The following ACER3 variants were observed in gnomAD, a reference collection of about 807,000 sequenced individuals.
ACER3 encodes alkaline ceramidase 3.
A neutral mutation model predicts 48.9 loss-of-function variants in ACER3; 16 were observed. The observed-to-expected ratio is 0.33, with a 90% CI of 0.22 to 0.50. The LOEUF (loss-of-function observed/expected upper bound fraction) is 0.50. Ranked by LOEUF, ACER3 falls within the 20% of genes least tolerant of loss-of-function variation. ACER3 has a pLI of 0.98. For missense variants in ACER3, 227 were observed against 326.0 expected (o/e 0.70, Z 2.34); for synonymous variants, 109 against 107.8 (o/e 1.01, Z -0.07).
intron 4 of ACER3, among the ~76,000 whole-genome samples, chr11:76,984,177 C>G (rs1368051454): frequency 6.6e-6 from 1 of 152,096 alleles, no homozygotes; most frequent in Non-Finnish European, 1.5e-5. Flanking sequence ...TAGGCATGAT[C>G]CTAGGCTCTG....
intron 1 of ACER3, among the ~76,000 whole-genome samples, chr11:76,916,527 A>G (rs1238966961): frequency 3.2e-5 from 3 of 92,622 alleles, no homozygotes; most frequent in African/African-American, 8.3e-5. Context: ...GTGAGAGGTT[A>G]AAACGGTTAA....
intron 7 of ACER3, among the ~76,000 whole-genome samples, chr11:77,007,707 C>A (rs1949183150): frequency 6.6e-6 from 1 of 152,176 alleles, no homozygotes; most frequent in African/African-American, 2.4e-5. Context: ...CACATGGTCT[C>A]TAAGGGAATA....
chr11:76,948,300 G>A (rs1161775880), intron 2 of ACER3, among the ~76,000 whole-genome samples: 3 of 143,486 alleles, frequency 2.1e-5, no homozygotes, highest in African/African-American at 7.6e-5. Flanking sequence ...TTACATACTA[G>A]TTAACAGATA....
intron 2 of ACER3, among the ~76,000 whole-genome samples, chr11:76,930,687 A>G (rs917221022): frequency 3.3e-5 from 5 of 152,124 alleles, no homozygotes; most frequent in African/African-American, 1.2e-4. Context: ...TTGGTTTCAA[A>G]GAACGTCTGT....
chr11:76,891,247 AATATATATATAAT>A (rs1407333740), intron 1 of ACER3, among the ~76,000 whole-genome samples: 8 of 32,832 alleles, frequency 2.4e-4, no homozygotes, highest in Non-Finnish European at 8.7e-4. Flanking sequence ...TTATATATAT[AATATATATATAAT>A]ATATATATAT....
chr11:76,865,511 ATTT>A (rs112234258), intron 1 of ACER3, among the ~76,000 whole-genome samples: 1 of 142,238 alleles, frequency 7.0e-6, no homozygotes, highest in African/African-American at 2.6e-5. Flanking sequence ...CTCAGATTGC[ATTT>A]TTTTTTTTTT....
chr11:76,925,405 T>C (rs113990615), intron 1 of ACER3, among the ~76,000 whole-genome samples: 62 of 152,382 alleles, frequency 4.1e-4, no homozygotes, highest in African/African-American at 1.3e-3. Context: ...TTTACAGTTA[T>C]AGAGGACTGG....
intron 4 of ACER3, among the ~76,000 whole-genome samples, chr11:76,979,466 A>G (rs1948529340): frequency 6.6e-6 from 1 of 152,154 alleles, no homozygotes; most frequent in Non-Finnish European, 1.5e-5. Flanking sequence ...AGCCTGGCCA[A>G]CATGGTGAAA....
chr11:76,884,136 C>G (rs1945611079), intron 1 of ACER3, among the ~76,000 whole-genome samples: 1 of 152,160 alleles, frequency 6.6e-6, no homozygotes, highest in Non-Finnish European at 1.5e-5. Flanking sequence ...TTTTCTCAGC[C>G]TAAGAGACTG....
chr11:76,991,975 C>G (rs1948814734), intron 6 of ACER3, among the ~76,000 whole-genome samples: 1 of 151,976 alleles, frequency 6.6e-6, no homozygotes, highest in African/African-American at 2.4e-5. Flanking sequence ...TGCCTATAAT[C>G]TCAGTCCTTT....
At chr11:76,976,868 G>A (rs1304691812) in intron 4 of ACER3, among the ~76,000 whole-genome samples, 1 of 152,114 alleles carries the variant, frequency 6.6e-6, no homozygotes, top group African/African-American at 2.4e-5. Context: ...TATGGAAACA[G>A]CTTACAGGCC....
At chr11:76,891,521 T>C (rs1388030315) in intron 1 of ACER3, among the ~76,000 whole-genome samples, 1 of 152,172 alleles carries the variant, frequency 6.6e-6, no homozygotes, top group Non-Finnish European at 1.5e-5. Context: ...AGTGTTTCTC[T>C]GAGTTATGTG....
intron 1 of ACER3, among the ~76,000 whole-genome samples, chr11:76,921,009 T>TA: frequency 6.6e-6 from 1 of 152,346 alleles, no homozygotes; most frequent in South Asian, 2.1e-4. Flanking sequence ...TTAGTAAAAT[T>TA]AAATTAGCTA....
In ACER3 at chr11:76,926,579, C is replaced by G; in HGVS notation, c.126C>G (p.Ile42Met). 1 of 1,606,718 alleles carries G rather than the reference C, an allele frequency of 6.2e-7. No individual in the cohort carries two copies. Among genetic ancestry groups the G allele is most frequent in the Non-Finnish European group, 8.5e-7 (1 of 1,173,964 alleles). ...AEFWNTVSNLIMIIPPMFGAV... is the reference protein window; with the variant it reads ...AEFWNTVSNLMMIIPPMFGAV... Reference sequence around the variant, plus strand: ...AAGGGAATACAGTGAGTAACCTGATCATGATTATACCTCCAATGTTCGGTG... The same window carrying G: ...AAGGGAATACAGTGAGTAACCTGATGATGATTATACCTCCAATGTTCGGTG... The change falls in exon 2 of 11, where the codon ATC becomes ATG. Residue 42 changes from isoleucine to methionine, a missense_variant. Coordinates refer to ENST00000532485, the MANE Select transcript of ACER3 (RefSeq NM_018367.7).
At chr11:76,934,029 C>A in intron 2 of ACER3, among the ~76,000 whole-genome samples, 1 of 151,116 alleles carries the variant, frequency 6.6e-6, no homozygotes, top group African/African-American at 2.4e-5. Context: ...GGCAGAGGCA[C>A]TCCCCACATC....
chr11:76,972,939 C>A (rs1315343169), intron 3 of ACER3, among the ~76,000 whole-genome samples: 1 of 152,250 alleles, frequency 6.6e-6, no homozygotes, highest in Non-Finnish European at 1.5e-5. Context: ...GTGTGTGGGA[C>A]CCCCAAGGTG....
At chr11:76,928,953 T>C (rs1288595419) in intron 2 of ACER3, among the ~76,000 whole-genome samples, 1 of 152,228 alleles carries the variant, frequency 6.6e-6, no homozygotes, top group Non-Finnish European at 1.5e-5. Context: ...GGCTCTTTTT[T>C]AGTTCCATAT....
At chr11:76,933,974 C>A (rs946994512) in intron 2 of ACER3, among the ~76,000 whole-genome samples, 2 of 141,390 alleles carry the variant, frequency 1.4e-5, no homozygotes, top group African/African-American at 5.4e-5. Flanking sequence ...TAGACGGGGT[C>A]GCGGCTGTGC....
chr11:76,933,216 A>C (rs1330139781), intron 2 of ACER3, among the ~76,000 whole-genome samples: 1 of 141,366 alleles, frequency 7.1e-6, no homozygotes, highest in Non-Finnish European at 1.6e-5. Flanking sequence ...TTCTGACTGA[A>C]GTGGGCAGTC....
Sources: allele counts gnomAD v4.1 joint callset (sites outside exome capture counted in the v4.1 genomes callset), GRCh38; gene constraint gnomAD v4.1.1; transcripts MANE v1.5; gene names NCBI Gene and HGNC (gene_info 2026-07-23, HGNC 2026-07-21).